Variants in TRPA1 observed in about 807,000 individuals in gnomAD.
TRPA1 encodes the protein ankyrin-like with transmembrane domains 1.
TRPA1 carries 129 observed loss-of-function variants against 131.3 expected under a neutral mutation model. The observed-to-expected ratio is 0.98, with a 90% confidence interval of 0.85 to 1.14. TRPA1 has a LOEUF of 1.14. TRPA1 is among the 50% of genes most tolerant of loss of function. The pLI, the probability that TRPA1 is intolerant of heterozygous loss-of-function variation, is 0.00. For synonymous variants in TRPA1, 441 were observed against 451.7 expected (o/e 0.98, Z 0.30); for missense variants, 1,304 against 1,354.2 (o/e 0.96, Z 0.58).
In TRPA1 at chr8:72,057,062, A is replaced by C. The variant is rs567367033; in HGVS notation, c.1094-45T>G. 77 of 1,448,660 alleles carry C rather than the reference A, an allele frequency of 5.3e-5. No individual in the cohort carries two copies. The South Asian group carries it at 9.3e-4, about 18-fold the overall frequency. 89.7% of individuals were successfully genotyped at this position (1,448,660 alleles called of 1,614,324 possible). On this transcript the variant is annotated intron_variant, in intron 9 of 26. Transcript: ENST00000262209. ...AAATATAAATTCTATTCATTTATTT[A>C]AAGCAATGTTTACGTGGATTTTCAA...
At chr8:72,029,758 G>C in intron 24 of TRPA1, 143 bp downstream of exon 24, 1 of 850,274 alleles carries the variant, frequency 1.2e-6, no homozygotes, top group Non-Finnish European at 2.0e-6. Flanking sequence ...AGGGTAAATG[G>C]CACATACTTT....
Position 72,047,181 on chromosome 8 carries a change from A to C in TRPA1, c.1932T>G (p.His644Gln), listed in dbSNP as rs746234593. 3.7e-6 allele frequency: 6 copies of C among 1,611,354 alleles called. No homozygotes were observed. The African/African-American group carries it at 8.0e-5, about 22-fold the overall frequency. Residue 644 changes from histidine (H) to glutamine (Q), a missense_variant, in exon 16 of 27, where the codon CAT (histidine) becomes CAG (glutamine). Coordinates refer to ENST00000262209, the MANE Select transcript of TRPA1 (RefSeq NM_007332.3). ...MKVLLDFCML[H>Q]STEDKSCRDY... The stretch of plus-strand genomic sequence containing the variant: ...CTCGGCAGGACTTGTCTTCTGTGGA[A>C]TGCAACATGCAGAAATCTAAAAGTA...
chr8:72,023,999 T>C, intron 25 of TRPA1, 88 bp from the exon 26 acceptor site: 1 of 848,672 alleles, frequency 1.2e-6, no homozygotes, highest in Non-Finnish European at 2.0e-6. Flanking sequence ...CCACCACTGG[T>C]ACCAATATGC....
chr8:72,074,407 A>G (rs1806130552), intron 1 of TRPA1, among the ~76,000 whole-genome samples: 1 of 152,254 alleles, frequency 6.6e-6, no homozygotes, highest in Non-Finnish European at 1.5e-5. Flanking sequence ...AACAAGATCT[A>G]TTAGCATGTG....
In TRPA1 at chr8:72,039,755, C is replaced by T. The variant is rs368485334; in HGVS notation, c.2104G>A (p.Val702Met). Reference sequence around the variant, plus strand: ...TTCATGAGTAAATATTCTTTACACACAGGATGATTGAGAAGCTCTATGCGG... The same window carrying T: ...TTCATGAGTAAATATTCTTTACACATAGGATGATTGAGAAGCTCTATGCGG... Reference protein sequence around the residue: ...NNRIELLNHPVCKEYLLMKWL... With the variant: ...NNRIELLNHPMCKEYLLMKWL... The change falls in exon 18 of 27, where the codon GTG (valine) becomes ATG (methionine). Residue 702 changes from valine (V) to methionine (M), a missense_variant. Coordinates refer to ENST00000262209, the MANE Select transcript of TRPA1 (RefSeq NM_007332.3). The T allele has an allele frequency of 4.8e-5, 77 of 1,609,976 alleles. No individual in the cohort carries two copies. The highest frequency in any genetic ancestry group is 6.5e-5 in the Non-Finnish European group (76 of 1,177,048).
chr8:72,061,199 A>G (rs888818472), intron 7 of TRPA1, among the ~76,000 whole-genome samples: 1 of 152,168 alleles, frequency 6.6e-6, no homozygotes, highest in East Asian at 1.9e-4. Flanking sequence ...CCATTTATCT[A>G]TAATTGTTGG....
chr8:72,029,469 A>C (rs1273925957), intron 24 of TRPA1, among the ~76,000 whole-genome samples: 1 of 152,234 alleles, frequency 6.6e-6, no homozygotes, highest in African/African-American at 2.4e-5. Flanking sequence ...AGGATTAAGA[A>C]GGTATCCATG....
At position 72,033,718 on chromosome 8, in the gene TRPA1, C is replaced by A; in HGVS notation, c.2794G>T (p.Ala932Ser). The change falls in exon 23 of 27, where the codon GCA (alanine) becomes TCA (serine). Residue 932 changes from alanine (A) to serine (S), a missense_variant. Transcript: ENST00000262209. ...FLEPYLRNEL[A>S]HPVLSFAQLV... ...TGTGCAAAGGACAGAACTGGATGTG[C>A]CAATTCATTTCTCAGATATGGTTCT... The A allele has an allele frequency of 6.2e-7, 1 of 1,614,044 alleles. No individual in the cohort carries two copies. The highest frequency in any genetic ancestry group is 1.1e-5 in the South Asian group (1 of 91,078).
chr8:72,049,081 A>C (rs923275259), intron 15 of TRPA1, among the ~76,000 whole-genome samples: 4 of 152,182 alleles, frequency 2.6e-5, no homozygotes, highest in African/African-American at 7.2e-5. Flanking sequence ...CCATTTGTGT[A>C]CTGGACTGGC....
chr8:72,073,634 T>A (rs561650003), intron 1 of TRPA1, among the ~76,000 whole-genome samples: 1 of 152,344 alleles, frequency 6.6e-6, no homozygotes, highest in African/African-American at 2.4e-5. Flanking sequence ...TTAAAAAACA[T>A]AAGTTGCTCT....
the TRPA1 span, among the ~76,000 whole-genome samples, chr8:72,087,820 C>T: frequency 6.6e-6 from 1 of 152,082 alleles, no homozygotes; most frequent in Non-Finnish European, 1.5e-5. Context: ...TCAATAATCT[C>T]TCTGCTCATT....
At chr8:72,056,776 G>A in intron 10 of TRPA1, 141 bp downstream of exon 10, 1 of 681,970 alleles carries the variant, frequency 1.5e-6, no homozygotes, top group Admixed American at 2.4e-5. Context: ...TAACTAAATA[G>A]TCAAATATGT....
chr8:72,064,883 C>T (rs1585885812), intron 4 of TRPA1, among the ~76,000 whole-genome samples: 1 of 151,968 alleles, frequency 6.6e-6, no homozygotes, highest in African/African-American at 2.4e-5. Context: ...CACTGGACCA[C>T]GCCAGGAAGC....
At chr8:72,023,406 AC>A (rs1811466560) in intron 26 of TRPA1, 1 of 493,512 alleles carries the variant, frequency 2.0e-6, no homozygotes, top group East Asian at 3.5e-5. Flanking sequence ...GTTATTACGT[AC>A]CTAGTTGAAT....
intron 17 of TRPA1, among the ~76,000 whole-genome samples, chr8:72,043,031 A>G (rs1812307692): frequency 6.6e-6 from 1 of 151,954 alleles, no homozygotes; most frequent in South Asian, 2.1e-4. Context: ...GCATTTAAAA[A>G]GAGTTAAGAC....
intron 2 of TRPA1, among the ~76,000 whole-genome samples, chr8:72,070,223 A>C (rs1474095799): frequency 6.6e-6 from 1 of 152,216 alleles, no homozygotes; most frequent in Non-Finnish European, 1.5e-5. Flanking sequence ...TCTACGGTAC[A>C]TGGTACTTGG....
chr8:72,053,409 A>T (rs1805577652), intron 13 of TRPA1: 1 of 350,614 alleles, frequency 2.9e-6, no homozygotes, highest in Non-Finnish European at 5.5e-6. Flanking sequence ...ATTTCAAATC[A>T]ATACACTTCA....
At chr8:72,054,571 G>T (rs917396488) in intron 12 of TRPA1, 2 of 152,458 alleles carry the variant, frequency 1.3e-5, no homozygotes, top group Non-Finnish European at 2.9e-5. Flanking sequence ...GGGTGCAAGA[G>T]CCATGTTGCT....
intron 3 of TRPA1, 110 bp downstream of exon 3, chr8:72,068,913 G>A: frequency 1.8e-6 from 2 of 1,090,820 alleles, no homozygotes; most frequent in Non-Finnish European, 2.8e-6. Flanking sequence ...CATTTTGTTT[G>A]CCATGGAAGC....
Sources: allele counts gnomAD v4.1 joint callset (sites outside exome capture counted in the v4.1 genomes callset), GRCh38; gene constraint gnomAD v4.1.1; transcripts MANE v1.5; gene names NCBI Gene and HGNC (gene_info 2026-07-23, HGNC 2026-07-21).